Variants in CSMD3 observed in about 807,000 individuals in gnomAD.
CSMD3 encodes CUB and Sushi multiple domains 3.
CSMD3 carries 177 observed loss-of-function variants against 435.2 expected under a neutral mutation model. The observed-to-expected ratio is 0.41, with a 90% CI of 0.36 to 0.46. CSMD3 has a LOEUF of 0.46. Ranked by LOEUF, CSMD3 falls within the 20% of genes least tolerant of loss-of-function variation. CSMD3 has a pLI of 0.34. For missense variants in CSMD3, 4,265 were observed against 4,504.6 expected (o/e 0.95, Z 1.52); for synonymous variants, 1,656 against 1,520.5 (o/e 1.09, Z -2.07).
intron 6 of CSMD3, among the ~76,000 whole-genome samples, chr8:112,985,296 C>T (rs557400820): frequency 6.2e-4 from 94 of 151,382 alleles, no homozygotes; most frequent in Non-Finnish European, 1.2e-3. Flanking sequence ...GAAAAAGGTG[C>T]GGTAGGGGAA....
chr8:112,550,893 C>A lies in CSMD3; in HGVS notation c.4362-20G>T, dbSNP rs1397582781. On this transcript the variant is annotated intron_variant, in intron 26 of 70. Transcript: ENST00000297405. ...TGCAAGCTGTGGGAGAACCATATTT[C>A]TCTGATTATTTTAAACAAGGATTCA... 3 of 1,560,748 alleles carry A rather than the reference C, an allele frequency of 1.9e-6. No homozygotes were observed. The Admixed American group carries it at 5.0e-5, about 26-fold the overall frequency.
At chr8:112,867,410 C>T (rs557444330) in intron 10 of CSMD3, among the ~76,000 whole-genome samples, 24 of 152,200 alleles carry the variant, frequency 1.6e-4, no homozygotes, top group Admixed American at 6.5e-4. Flanking sequence ...TTTCAAACTT[C>T]GTTCATGCGT....
At chr8:113,040,983 T>C (rs2131286045) in intron 5 of CSMD3, among the ~76,000 whole-genome samples, 1 of 151,908 alleles carries the variant, frequency 6.6e-6, no homozygotes, top group East Asian at 2.0e-4. Context: ...TTGGGCAGCT[T>C]GCCTGAGGTC....
In CSMD3 at chr8:113,275,103, T is replaced by C. The variant is rs192417829; in HGVS notation, c.514+3489A>G. 1.4e-4 allele frequency among the ~76,000 whole-genome samples: 22 copies of C among 152,232 alleles called. No individual in the cohort carries two copies. In the East Asian group the frequency reaches 3.7e-3, roughly 25 times the overall value. On this transcript the variant is annotated intron_variant, in intron 3 of 70. Transcript: ENST00000297405. ...ATCATGATACTATCAATATTGTAAT[T>C]CATATGTATAGACTGTTTATTATGT...
At chr8:112,438,880 A>T (rs974482011) in intron 32 of CSMD3, among the ~76,000 whole-genome samples, 2 of 152,200 alleles carry the variant, frequency 1.3e-5, no homozygotes, top group Non-Finnish European at 2.9e-5. Flanking sequence ...TAATGAGTTT[A>T]TTAATACTCT....
chr8:113,356,579 T>C (rs2094229982), intron 1 of CSMD3, among the ~76,000 whole-genome samples: 1 of 152,112 alleles, frequency 6.6e-6, no homozygotes, highest in Non-Finnish European at 1.5e-5. Context: ...ATGAATAAAA[T>C]AAATGAAATT....
At chr8:112,318,773 C>T in intron 47 of CSMD3, 64 bp downstream of exon 47, 1 of 1,044,054 alleles carries the variant, frequency 9.6e-7, no homozygotes, top group Non-Finnish European at 1.5e-6. Flanking sequence ...TCAATCATAC[C>T]TATATTAAGT....
chr8:112,896,701 A>C (rs1335773548), intron 10 of CSMD3, among the ~76,000 whole-genome samples: 1 of 151,368 alleles, frequency 6.6e-6, no homozygotes, highest in Non-Finnish European at 1.5e-5. Flanking sequence ...CCATCCATGT[A>C]TTTTGTTTCC....
chr8:113,150,309 GCCTGAT>G (rs985270573), intron 4 of CSMD3, among the ~76,000 whole-genome samples: 2 of 151,910 alleles, frequency 1.3e-5, no homozygotes, highest in Admixed American at 1.3e-4. Flanking sequence ...TCCTTGGTGG[GCCTGAT>G]CTAATCAGGT....
chr8:113,130,674 A>T (rs2091261749), intron 4 of CSMD3, among the ~76,000 whole-genome samples: 1 of 152,176 alleles, frequency 6.6e-6, no homozygotes, highest in Non-Finnish European at 1.5e-5. Flanking sequence ...CTATAAAGGT[A>T]CATGAAAAAG....
At chr8:113,377,188 C>T (rs1207107888) in intron 1 of CSMD3, 3 of 1,178,466 alleles carry the variant, frequency 2.5e-6, no homozygotes, top group Non-Finnish European at 2.1e-6. Flanking sequence ...ACATCCGCTC[C>T]AATGGCCGGA....
At chr8:112,345,872 AAAT>A (rs1040387227) in intron 41 of CSMD3, among the ~76,000 whole-genome samples, 3 of 152,138 alleles carry the variant, frequency 2.0e-5, no homozygotes, top group African/African-American at 7.2e-5. Context: ...AGTAAAAAAA[AAAT>A]ATGCCCATAT....
intron 4 of CSMD3, among the ~76,000 whole-genome samples, chr8:113,142,713 T>C (rs1044564537): frequency 6.6e-6 from 1 of 150,804 alleles, no homozygotes; most frequent in Non-Finnish European, 1.5e-5. Context: ...CAACAATAAT[T>C]TACTGTACAT....
At chr8:112,270,361 T>TGTGTGTGTGTGTGTTAGGGGTGA (rs1563717373) in intron 59 of CSMD3, among the ~76,000 whole-genome samples, 18 of 135,628 alleles carry the variant, frequency 1.3e-4, no homozygotes, top group East Asian at 4.0e-4. Flanking sequence ...TGTGTGTGTG[T>TGTGTGTGTGTGTGTTAGGGGTGA]GTGTGTGTGT....
chr8:113,050,776 G>A (rs2088053485), intron 5 of CSMD3, among the ~76,000 whole-genome samples: 1 of 151,932 alleles, frequency 6.6e-6, no homozygotes, highest in African/African-American at 2.4e-5. Context: ...AAATATATGT[G>A]AAGTCACTTT....
At chr8:113,154,707 AACAACAATAGCT>A (rs2091898329) in intron 4 of CSMD3, among the ~76,000 whole-genome samples, 1 of 152,070 alleles carries the variant, frequency 6.6e-6, no homozygotes, top group Non-Finnish European at 1.5e-5. Context: ...GGAATGCTGA[AACAACAATAGCT>A]ACTTCAGAGC....
At chr8:113,318,786 A>ATGTG (rs56269027) in intron 1 of CSMD3, among the ~76,000 whole-genome samples, 4,521 of 140,092 alleles carry the variant, frequency 0.032, 145 homozygotes, top group African/African-American at 0.074. Flanking sequence ...GCTGAATAAG[A>ATGTG]TGTGTGTGTG....
At chr8:112,263,361 T>A (rs1816621420) in intron 61 of CSMD3, among the ~76,000 whole-genome samples, 1 of 152,178 alleles carries the variant, frequency 6.6e-6, no homozygotes, top group African/African-American at 2.4e-5. Context: ...TAAATAAAAA[T>A]AATTTTCCAG....
intron 38 of CSMD3, among the ~76,000 whole-genome samples, chr8:112,364,623 A>T (rs894041428): frequency 6.6e-6 from 1 of 152,090 alleles, no homozygotes; most frequent in South Asian, 2.1e-4. Flanking sequence ...ACAATCAGGC[A>T]AAGAGTCTAA....
Sources: allele counts gnomAD v4.1 joint callset (sites outside exome capture counted in the v4.1 genomes callset), GRCh38; gene constraint gnomAD v4.1.1; transcripts MANE v1.5; gene names NCBI Gene and HGNC (gene_info 2026-07-23, HGNC 2026-07-21).